CAMSAP1: variants seen among roughly 807,000 people sequenced by gnomAD.
The protein encoded by CAMSAP1 is calmodulin-regulated spectrin-associated protein 1.
In CAMSAP1, 58 loss-of-function variants were observed where a neutral mutation model predicts 143.5. The ratio of observed to expected loss-of-function variants is 0.40; its 90% CI spans 0.33 to 0.50. The LOEUF (loss-of-function observed/expected upper bound fraction) is 0.50. CAMSAP1 is among the 20% of genes least tolerant of loss of function. CAMSAP1 has a pLI of 0.45. For missense variants in CAMSAP1, 1,969 were observed against 2,115.7 expected (o/e 0.93, Z 1.36); for synonymous variants, 945 against 859.3 (o/e 1.10, Z -1.74).
At chr9:135,891,464 C>T (rs1040322831) in intron 1 of CAMSAP1, among the ~76,000 whole-genome samples, 1 of 152,248 alleles carries the variant, frequency 6.6e-6, no homozygotes. Flanking sequence ...CCCGGGGCCA[C>T]AGGCAAAAGC....
chr9:135,818,390 AG>A lies in CAMSAP1; in HGVS notation c.4168+17del. 6.5e-7 allele frequency: 1 copy of A among 1,548,622 alleles called. No homozygotes were observed. Among genetic ancestry groups the A allele is most frequent in the East Asian group, 2.4e-5 (1 of 42,198 alleles). ...CGCGGAAGGAAGCGCTGCCCGCGTG[AG>A]GGCCGGGGCTGCTTACGGGTGGAGG... On this transcript the variant is annotated intron_variant, in intron 13 of 16. Transcript: ENST00000389532. This position sits in a 1 kb window ranked among gnomAD's most constrained non-coding sequence, Gnocchi z 7.7.
chr9:135,880,651 C>T (rs1237309723), intron 3 of CAMSAP1, among the ~76,000 whole-genome samples: 2 of 152,182 alleles, frequency 1.3e-5, no homozygotes, highest in Non-Finnish European at 2.9e-5. Context: ...GATGGAGCAC[C>T]GGCCTGGCTC....
At chr9:135,896,225 G>A (rs578065034) in intron 1 of CAMSAP1, among the ~76,000 whole-genome samples, 135 of 151,824 alleles carry the variant, frequency 8.9e-4, no homozygotes, top group Non-Finnish European at 1.7e-3. Context: ...AAAAAGATAC[G>A]CCATTCAAAC....
At chr9:135,904,440 C>T (rs1374889950) in intron 1 of CAMSAP1, among the ~76,000 whole-genome samples, 4 of 150,762 alleles carry the variant, frequency 2.7e-5, no homozygotes, top group African/African-American at 4.9e-5. Flanking sequence ...AAATTACACA[C>T]GAGGCTGAAG....
At chr9:135,814,911 C>T (rs1835175719) in intron 16 of CAMSAP1, among the ~76,000 whole-genome samples, 186 bp downstream of exon 16, 1 of 152,268 alleles carries the variant, frequency 6.6e-6, no homozygotes, top group South Asian at 2.1e-4. Context: ...CACAGGCTCA[C>T]TGCAGCCCCT....
chr9:135,866,625 C>T (rs1837388617), intron 3 of CAMSAP1, 89 bp from the exon 4 acceptor site: 2 of 688,618 alleles, frequency 2.9e-6, no homozygotes, highest in Admixed American at 4.3e-5. Flanking sequence ...CCCCACTTCA[C>T]CTGATTCACC....
intron 5 of CAMSAP1, among the ~76,000 whole-genome samples, chr9:135,851,127 T>C (rs1836766605): frequency 6.6e-6 from 1 of 152,156 alleles, no homozygotes; most frequent in Admixed American, 6.5e-5. Flanking sequence ...CTAGGCACCC[T>C]GGTGTGGAGT....
At chr9:135,841,535 T>C (rs1227741219) in intron 7 of CAMSAP1, among the ~76,000 whole-genome samples, 1 of 152,196 alleles carries the variant, frequency 6.6e-6, no homozygotes, top group African/African-American at 2.4e-5. Context: ...GGTCCCTGAC[T>C]CCCGTGCCTC....
intron 7 of CAMSAP1, among the ~76,000 whole-genome samples, chr9:135,845,088 C>G (rs1386833571): frequency 6.6e-6 from 1 of 152,148 alleles, no homozygotes; most frequent in Non-Finnish European, 1.5e-5. Context: ...GGCCAATATC[C>G]CTGATGAACA....
chr9:135,821,073 G>A lies in CAMSAP1; in HGVS notation c.3588C>T (p.Ser1196=). ...CACTCGCATCCAGAACTTCTTTGAG[G>A]CTCATCTGCTCCGAAAGAATGTTGG... ...KDANILSEQM[S]LKEVLDASVK... The change falls in exon 11 of 17, where the codon AGC becomes AGT. Residue 1196 remains serine (S), a synonymous_variant. Transcript: ENST00000389532. This position sits in a 1 kb window ranked among gnomAD's most constrained non-coding sequence, Gnocchi z 4.6. The A allele has an allele frequency of 6.2e-7, 1 of 1,613,960 alleles. No homozygotes were observed. The highest frequency in any genetic ancestry group is 8.5e-7 in the Non-Finnish European group (1 of 1,179,902).
At chr9:135,846,832 G>T (rs1427401553) in intron 7 of CAMSAP1, among the ~76,000 whole-genome samples, 1 of 152,076 alleles carries the variant, frequency 6.6e-6, no homozygotes, top group African/African-American at 2.4e-5. Flanking sequence ...ACCACAATGA[G>T]ATACCATCTC....
Position 135,822,305 on chromosome 9 carries a change from C to A in CAMSAP1, c.2356G>T (p.Asp786Tyr). Reference protein sequence around the residue: ...DMKVKEHEDKDDASGRSSPCL... With the variant: ...DMKVKEHEDKYDASGRSSPCL... ...GGGCTCGAGCGGCCGCTGGCGTCAT[C>A]TTTGTCTTCATGTTCCTTCACCTTC... Residue 786 changes from aspartate (D) to tyrosine (Y), a missense_variant, in exon 11 of 17, where the codon GAT (aspartate) becomes TAT (tyrosine). By Grantham distance (160) the Asp-to-Tyr change is radical (BLOSUM62 -3). Coordinates refer to ENST00000389532, the MANE Select transcript of CAMSAP1 (RefSeq NM_015447.4). This position sits in a 1 kb window ranked among gnomAD's most constrained non-coding sequence, Gnocchi z 6.1. 1 of 1,614,072 alleles carries A rather than the reference C, an allele frequency of 6.2e-7. No individual in the cohort carries two copies. The highest frequency in any genetic ancestry group is 8.5e-7 in the Non-Finnish European group (1 of 1,179,912).
At chr9:135,858,223 C>T (rs1446389487) in intron 5 of CAMSAP1, among the ~76,000 whole-genome samples, 1 of 151,248 alleles carries the variant, frequency 6.6e-6, no homozygotes, top group African/African-American at 2.4e-5. Context: ...TTAGTTTCAT[C>T]CAAAATGGAA....
intron 1 of CAMSAP1, among the ~76,000 whole-genome samples, chr9:135,892,269 A>G (rs951044656): frequency 6.6e-6 from 1 of 152,200 alleles, no homozygotes; most frequent in African/African-American, 2.4e-5. Context: ...GGACCCCACA[A>G]CTTGAGGTAC....
At chr9:135,853,468 A>T (rs1266840911) in intron 5 of CAMSAP1, among the ~76,000 whole-genome samples, 2 of 152,240 alleles carry the variant, frequency 1.3e-5, no homozygotes, top group Non-Finnish European at 2.9e-5. Context: ...TGCCTTGTTA[A>T]TATCTGTGAA....
Position 135,866,437 on chromosome 9 carries a change from A to T in CAMSAP1, c.666+19T>A. 1.6e-6 allele frequency: 2 copies of T among 1,268,338 alleles called. No homozygotes were observed. The highest frequency in any genetic ancestry group is 2.2e-6 in the Non-Finnish European group (2 of 890,190). The allele number at this position is 1,268,338 out of a possible 1,614,324, so 78.6% of individuals were successfully genotyped here. ...ACATTAACTTAGTGCATTCCAGAAA[A>T]ATTAAATTTACCCTTTACCTTTTGA... is the stretch of plus-strand genomic sequence containing the variant. On this transcript the variant is annotated intron_variant, in intron 4 of 16. Transcript: ENST00000389532.
At chr9:135,863,823 GCAC>G (rs1474387183) in intron 4 of CAMSAP1, among the ~76,000 whole-genome samples, 1 of 152,170 alleles carries the variant, frequency 6.6e-6, no homozygotes, top group African/African-American at 2.4e-5. Context: ...AGCATGCAGT[GCAC>G]CACAGCATGC....
intron 4 of CAMSAP1, among the ~76,000 whole-genome samples, chr9:135,864,076 C>T (rs1837288955): frequency 6.6e-6 from 1 of 152,198 alleles, no homozygotes; most frequent in Non-Finnish European, 1.5e-5. Flanking sequence ...CAGGCCTTTC[C>T]ACACTTCTCC....
At chr9:135,838,450 C>T (rs926627871) in intron 7 of CAMSAP1, among the ~76,000 whole-genome samples, 3 of 144,102 alleles carry the variant, frequency 2.1e-5, no homozygotes, top group Non-Finnish European at 4.5e-5. Context: ...CATCATCACG[C>T]ACTTTCCACC....
Sources: gnomAD v4.1 joint callset for allele counts (sites outside exome capture counted in the v4.1 genomes callset) on GRCh38, gnomAD v4.1.1 for gene constraint, Gnocchi (gnomAD v3.1) non-coding constraint, MANE v1.5 for transcripts, NCBI Gene and HGNC (gene_info 2026-07-23, HGNC 2026-07-21) for gene names.